ZNF831: variants seen among roughly 807,000 people sequenced by gnomAD.
ZNF831 encodes the protein chromosome 20 open reading frame 174.
ZNF831 carries 59 observed loss-of-function variants against 95.8 expected under a neutral mutation model. The observed-to-expected ratio is 0.62, with a 90% confidence interval of 0.50 to 0.77. The LOEUF (loss-of-function observed/expected upper bound fraction) is 0.77. Among genes scored for constraint, ZNF831 ranks in the 30% least tolerant of loss-of-function variants. The probability of loss-of-function intolerance (pLI) is 0.00; values close to 1 mark genes in which losing one functional copy is unlikely to be tolerated. For missense variants in ZNF831, 2,205 were observed against 2,164.0 expected (o/e 1.02, Z -0.38); for synonymous variants, 961 against 925.5 (o/e 1.04, Z -0.70).
intron 1 of ZNF831, among the ~76,000 whole-genome samples, chr20:59,178,343 A>G (rs1047915726): frequency 2.0e-5 from 3 of 152,256 alleles, no homozygotes; most frequent in Non-Finnish European, 4.4e-5. Flanking sequence ...CCAGAACAGC[A>G]TGGTTTGGCT....
intron 2 of ZNF831, among the ~76,000 whole-genome samples, chr20:59,152,036 C>A (rs1033819949): frequency 6.6e-6 from 1 of 152,196 alleles, no homozygotes; most frequent in African/African-American, 2.4e-5. Context: ...CTTTCCTCAT[C>A]TGTTAAGTAA....
At chr20:59,154,437 G>A (rs1316270082) in intron 2 of ZNF831, among the ~76,000 whole-genome samples, 1 of 152,164 alleles carries the variant, frequency 6.6e-6, no homozygotes, top group Non-Finnish European at 1.5e-5. Flanking sequence ...AGCCGAAGCG[G>A]TCTCTACCCC....
intron 1 of ZNF831, among the ~76,000 whole-genome samples, 186 bp from the exon 2 acceptor site, chr20:59,190,798 G>T (rs949092425): frequency 6.6e-6 from 1 of 152,166 alleles, no homozygotes. Context: ...AAGTTACTTC[G>T]CTGTCTGAGC....
intron 1 of ZNF831, among the ~76,000 whole-genome samples, chr20:59,170,080 G>A (rs1014153942): frequency 1.3e-5 from 2 of 151,960 alleles, no homozygotes; most frequent in African/African-American, 4.8e-5. Flanking sequence ...TGGGAGTCTA[G>A]AGTCTTGATT....
intron 4 of ZNF831, among the ~76,000 whole-genome samples, chr20:59,231,544 T>C (rs1224151890): frequency 2.6e-5 from 4 of 152,370 alleles, no homozygotes; most frequent in Admixed American, 6.5e-5. Flanking sequence ...TTTTAAATTC[T>C]AGTTAGAGAA....
At chr20:59,214,687 C>G (rs908190733) in intron 4 of ZNF831, among the ~76,000 whole-genome samples, 1 of 152,192 alleles carries the variant, frequency 6.6e-6, no homozygotes, top group Non-Finnish European at 1.5e-5. Flanking sequence ...TTAGAAAAAG[C>G]AATTGAAAAT....
intron 1 of ZNF831, among the ~76,000 whole-genome samples, chr20:59,124,848 G>A (rs538646843): frequency 6.6e-6 from 1 of 152,136 alleles, no homozygotes; most frequent in Admixed American, 6.5e-5. Context: ...AGTTGGTTTC[G>A]GTGTCCACCC....
At chr20:59,185,082 T>TCATA (rs111536658) in intron 1 of ZNF831, among the ~76,000 whole-genome samples, 22,714 of 152,072 alleles carry the variant, frequency 0.15, 1,984 homozygotes, top group African/African-American at 0.24. Context: ...CTTCCCTCGC[T>TCATA]CAAAGAGGTA....
chr20:59,166,758 C>A (rs1160471071), intron 1 of ZNF831, among the ~76,000 whole-genome samples: 2 of 152,184 alleles, frequency 1.3e-5, no homozygotes, highest in African/African-American at 4.8e-5. Context: ...CATGTGTCAA[C>A]GGTATGCTTC....
chr20:59,216,747 G>C (rs1422667016), intron 4 of ZNF831, among the ~76,000 whole-genome samples: 2 of 152,200 alleles, frequency 1.3e-5, no homozygotes, highest in African/African-American at 4.8e-5. Flanking sequence ...TCACAGGACA[G>C]GGCATCACCT....
chr20:59,164,766 T>C (rs1204634992), intron 1 of ZNF831, among the ~76,000 whole-genome samples: 3 of 152,202 alleles, frequency 2.0e-5, no homozygotes, highest in Admixed American at 1.3e-4. Context: ...CATATCTGAC[T>C]TCCCAGTATC....
At chr20:59,228,630 A>G (rs549393322) in intron 4 of ZNF831, among the ~76,000 whole-genome samples, 73 of 152,240 alleles carry the variant, frequency 4.8e-4, no homozygotes, top group African/African-American at 1.7e-3. Flanking sequence ...GGTGACAGAG[A>G]GAGGAGAGAG....
chr20:59,194,164 A>G lies in ZNF831; in HGVS notation c.3145A>G (p.Arg1049Gly), dbSNP rs769769321. The change falls in exon 2 of 6, where the codon AGG becomes GGG. Residue 1049 changes from arginine (R) to glycine (G), a missense_variant. Arg to Gly is a moderately radical substitution (Grantham distance 125). Coordinates refer to ENST00000371030, the MANE Select transcript of ZNF831 (RefSeq NM_178457.3). ...ELPISAPGAPREATSSPPTPT... is the reference protein window; with the variant it reads ...ELPISAPGAPGEATSSPPTPT... ...GCCCATCTCAGCACCAGGGGCTCCC[A>G]GGGAGGCTACCTCCTCCCCGCCCAC... 4.4e-6 allele frequency: 7 copies of G among 1,584,052 alleles called. No homozygotes were observed. The highest frequency in any genetic ancestry group is 6.0e-6 in the Non-Finnish European group (7 of 1,163,674).
In ZNF831 at chr20:59,191,693, G is replaced by T. The variant is rs1430356217; in HGVS notation, c.674G>T (p.Arg225Ile). Reference sequence around the variant, plus strand: ...GGGGACAAGGCCGGAGAGCCCCCCAGACCAGAGGGCAGGGGCGAGAGCAGG... The same window carrying T: ...GGGGACAAGGCCGGAGAGCCCCCCATACCAGAGGGCAGGGGCGAGAGCAGG... ...EEGDKAGEPP[R>I]PEGRGESRCQ... Residue 225 changes from arginine (R) to isoleucine (I), a missense_variant, in exon 2 of 6, where the codon AGA becomes ATA. By Grantham distance (97) the Arg-to-Ile change is moderately conservative (BLOSUM62 -3). Coordinates refer to ENST00000371030, the MANE Select transcript of ZNF831 (RefSeq NM_178457.3). 6.4e-7 allele frequency: 1 copy of T among 1,563,740 alleles called. No individual in the cohort carries two copies. Among genetic ancestry groups the T allele is most frequent in the South Asian group, 1.2e-5 (1 of 82,736 alleles).
intron 1 of ZNF831, among the ~76,000 whole-genome samples, chr20:59,129,923 T>G (rs1359269077): frequency 1.3e-5 from 2 of 152,238 alleles, no homozygotes; most frequent in Admixed American, 1.3e-4. Context: ...ATCCACCTGT[T>G]GAAGGACATT....
At chr20:59,189,183 A>AAAAAAAAT (rs933577626) in intron 1 of ZNF831, among the ~76,000 whole-genome samples, 1 of 152,110 alleles carries the variant, frequency 6.6e-6, no homozygotes, top group African/African-American at 2.4e-5. Context: ...GCCATCTCAA[A>AAAAAAAAT]AAAAAAATAA....
At chr20:59,180,191 G>A (rs574967188) in intron 1 of ZNF831, among the ~76,000 whole-genome samples, 4 of 152,048 alleles carry the variant, frequency 2.6e-5, no homozygotes, top group African/African-American at 7.2e-5. Context: ...CAGTTCAAGC[G>A]GTTTTCCCAC....
chr20:59,253,860 C>G lies in ZNF831; in HGVS notation c.4189-38C>G. 2 of 904,358 alleles carry G rather than the reference C, an allele frequency of 2.2e-6. 1 individual carries two copies. Among genetic ancestry groups the G allele is most frequent in the Non-Finnish European group, 2.8e-6 (2 of 704,368 alleles). The allele number at this position is 904,358 out of a possible 1,614,324, so 56.0% of individuals were successfully genotyped here. A position where few individuals can be genotyped will look rare whatever the true frequency, so the allele number is the denominator to read the frequency against. ...CATTTTTCTTTGTACCAATTAACCT[C>G]CCCCCCCACTTTTTTTTTCCTTTGC... On this transcript the variant is annotated intron_variant, in intron 5 of 5. Coordinates refer to ENST00000371030, the MANE Select transcript of ZNF831 (RefSeq NM_178457.3).
At chr20:59,167,549 T>C (rs929056333) in intron 1 of ZNF831, among the ~76,000 whole-genome samples, 2 of 152,182 alleles carry the variant, frequency 1.3e-5, no homozygotes, top group Non-Finnish European at 2.9e-5. Context: ...GATTTTCTCC[T>C]GTGCTTTTTT....
Sources: allele counts gnomAD v4.1 joint callset (sites outside exome capture counted in the v4.1 genomes callset), GRCh38; gene constraint gnomAD v4.1.1; transcripts MANE v1.5; gene names NCBI Gene and HGNC (gene_info 2026-07-23, HGNC 2026-07-21).